The following LSAMP variants were observed in gnomAD, a reference collection of about 807,000 sequenced individuals.
LSAMP encodes limbic system-associated membrane protein.
In LSAMP, 7 loss-of-function variants were observed where a neutral mutation model predicts 38.6. The observed-to-expected ratio is 0.18, with a 90% CI of 0.10 to 0.34. The LOEUF (loss-of-function observed/expected upper bound fraction) is 0.34. LSAMP is among the 10% of genes least tolerant of loss of function. The pLI is 1.00. For synonymous variants in LSAMP, 154 were observed against 166.8 expected (o/e 0.92, Z 0.59); for missense variants, 313 against 420.0 (o/e 0.75, Z 2.23).
Position 116,106,326 on chromosome 3 carries a change from A to C in LSAMP, c.156-19770T>G, listed in dbSNP as rs1190435246. Reference sequence around the variant, plus strand: ...ATGTGTGAGTAGTTGAGAATGGTGAATAGGAGTATGACTAGACAGAAGATA... The same window carrying C: ...ATGTGTGAGTAGTTGAGAATGGTGACTAGGAGTATGACTAGACAGAAGATA... On this transcript the variant is annotated intron_variant, in intron 1 of 6. Coordinates refer to ENST00000490035, the MANE Select transcript of LSAMP (RefSeq NM_002338.5). Among the ~76,000 whole-genome samples, 10 of 152,274 alleles carry C rather than the reference A, an allele frequency of 6.6e-5. No individual in the cohort carries two copies. The East Asian group carries it at 1.9e-3, about 29-fold the overall frequency.
intron 2 of LSAMP, among the ~76,000 whole-genome samples, chr3:116,031,566 T>G (rs1940925790): frequency 1.2e-5 from 1 of 80,460 alleles, no homozygotes; most frequent in Non-Finnish European, 2.5e-5. Flanking sequence ...TTTTTTTTTT[T>G]TTTTTTTTTT....
chr3:116,284,965 T>C (rs1322792548), intron 1 of LSAMP, among the ~76,000 whole-genome samples: 2 of 152,218 alleles, frequency 1.3e-5, no homozygotes, highest in Non-Finnish European at 2.9e-5. Flanking sequence ...TTCTAAGACA[T>C]CTTTGCATTG....
chr3:115,920,944 T>C (rs562026625), intron 3 of LSAMP, among the ~76,000 whole-genome samples: 9 of 152,180 alleles, frequency 5.9e-5, no homozygotes, highest in African/African-American at 2.2e-4. Context: ...TTTATCATTA[T>C]ATAATGTTCT....
chr3:116,031,798 T>G (rs1197022003), intron 2 of LSAMP, among the ~76,000 whole-genome samples: 2 of 152,056 alleles, frequency 1.3e-5, no homozygotes, highest in Admixed American at 6.6e-5. Context: ...GCATTGCCCC[T>G]GCTCAAAGCT....
intron 1 of LSAMP, among the ~76,000 whole-genome samples, chr3:116,233,880 T>C (rs1469719942): frequency 6.6e-6 from 1 of 152,196 alleles, no homozygotes; most frequent in East Asian, 1.9e-4. Flanking sequence ...ACATGGTTTA[T>C]CTGATTCTCC....
intron 2 of LSAMP, among the ~76,000 whole-genome samples, chr3:116,061,348 TGAAAAGC>T (rs755761648): frequency 2.6e-4 from 40 of 152,208 alleles, no homozygotes; most frequent in Non-Finnish European, 4.9e-4. Context: ...CAATTAACTA[TGAAAAGC>T]TGCTTAGGTT....
Position 115,966,184 on chromosome 3 carries a change from C to G in LSAMP, c.514+53331G>C, listed in dbSNP as rs577883560. Among the ~76,000 whole-genome samples, 5 of 152,284 alleles carry G rather than the reference C, an allele frequency of 3.3e-5. No homozygotes were observed. The East Asian group carries it at 9.7e-4, about 29-fold the overall frequency. ...TATTGGGTCTTTCTCCTGTTGCCAG[C>G]CAAAATGTGGATACACTGGCTGGAG... is the stretch of plus-strand genomic sequence containing the variant. On this transcript the variant is annotated intron_variant, in intron 3 of 6. Coordinates refer to ENST00000490035, the MANE Select transcript of LSAMP (RefSeq NM_002338.5).
intron 1 of LSAMP, among the ~76,000 whole-genome samples, chr3:116,282,490 G>T (rs1047071066): frequency 3.3e-5 from 5 of 152,038 alleles, no homozygotes; most frequent in Non-Finnish European, 7.4e-5. Flanking sequence ...TGTGAAACAC[G>T]TAGTTGTGAT....
At chr3:116,443,862 G>C (rs1481469869) in intron 1 of LSAMP, among the ~76,000 whole-genome samples, 1 of 152,100 alleles carries the variant, frequency 6.6e-6, no homozygotes, top group Non-Finnish European at 1.5e-5. Context: ...AAAGAACAAG[G>C]GGTAGGTACA....
At chr3:115,931,172 A>G (rs995510848) in intron 3 of LSAMP, among the ~76,000 whole-genome samples, 1 of 152,124 alleles carries the variant, frequency 6.6e-6, no homozygotes, top group African/African-American at 2.4e-5. Flanking sequence ...GAGAGAGCTC[A>G]TTACTAACCC....
intron 1 of LSAMP, among the ~76,000 whole-genome samples, chr3:116,231,332 A>C (rs1423731272): frequency 6.6e-6 from 1 of 152,186 alleles, no homozygotes; most frequent in African/African-American, 2.4e-5. Context: ...CTCCATGCTG[A>C]AGCAAAGGCC....
chr3:115,885,889 T>C (rs1936442009), intron 3 of LSAMP, among the ~76,000 whole-genome samples: 1 of 151,958 alleles, frequency 6.6e-6, no homozygotes, highest in African/African-American at 2.4e-5. Flanking sequence ...AAGTGAGTAC[T>C]TGACCTCTTA....
At position 115,970,309 on chromosome 3, in the gene LSAMP, G is replaced by A. The variant is rs1011303037; in HGVS notation, c.514+49206C>T. Among the ~76,000 whole-genome samples the A allele has an allele frequency of 3.3e-4, 50 of 152,164 alleles. 3 individuals carry two copies. Among genetic ancestry groups the A allele is most frequent in the Admixed American group, 6.5e-5 (1 of 15,270 alleles). ...TGAAAAGTAATTTCAAGTCCACAGA[G>A]CGAACCCTAGGATAGATTGCTTTTC... On this transcript the variant is annotated intron_variant, in intron 3 of 6. Transcript: ENST00000490035.
At chr3:116,393,924 C>T (rs562982783) in intron 1 of LSAMP, among the ~76,000 whole-genome samples, 2 of 152,090 alleles carry the variant, frequency 1.3e-5, no homozygotes, top group African/African-American at 2.4e-5. Context: ...GACAAGGAAG[C>T]GAGGATTTTG....
At chr3:116,313,903 G>A (rs574824177) in intron 1 of LSAMP, among the ~76,000 whole-genome samples, 5 of 152,002 alleles carry the variant, frequency 3.3e-5, no homozygotes, top group Admixed American at 2.0e-4. Flanking sequence ...GCAGTGAGCC[G>A]AGATCACACC....
intron 1 of LSAMP, among the ~76,000 whole-genome samples, chr3:116,101,048 C>T (rs2107450081): frequency 6.6e-6 from 1 of 152,276 alleles, no homozygotes; most frequent in South Asian, 2.1e-4. Context: ...TGGGCCCAAA[C>T]CATGTCTTCT....
intron 3 of LSAMP, among the ~76,000 whole-genome samples, chr3:115,863,753 A>G (rs941360474): frequency 6.6e-6 from 1 of 151,960 alleles, no homozygotes. Context: ...TTATAATGCA[A>G]TATTTTCAAA....
intron 1 of LSAMP, among the ~76,000 whole-genome samples, chr3:116,225,578 T>C (rs2046333435): frequency 6.6e-6 from 1 of 152,200 alleles, no homozygotes. Context: ...AGATGTGACA[T>C]GGTATTGAGG....
intron 3 of LSAMP, among the ~76,000 whole-genome samples, chr3:115,896,254 C>G (rs916281726): frequency 6.6e-6 from 1 of 151,930 alleles, no homozygotes; most frequent in African/African-American, 2.4e-5. Context: ...ACAAAAAACC[C>G]AATTTAAGGT....
Sources: allele counts gnomAD v4.1 joint callset (sites outside exome capture counted in the v4.1 genomes callset), GRCh38; gene constraint gnomAD v4.1.1; transcripts MANE v1.5; gene names NCBI Gene and HGNC (gene_info 2026-07-23, HGNC 2026-07-21).